Variants in PRTG observed in about 807,000 individuals in gnomAD.
The protein encoded by PRTG is protogenin, also known as immunoglobulin superfamily, DCC subclass, member 5.
In PRTG, 67 loss-of-function variants were observed where a neutral mutation model predicts 122.5. The ratio of observed to expected loss-of-function variants is 0.55; its 90% CI spans 0.45 to 0.67. The LOEUF (loss-of-function observed/expected upper bound fraction) is 0.67. PRTG is among the 30% of genes least tolerant of loss of function. The pLI, the probability that PRTG is intolerant of heterozygous loss-of-function variation, is 0.00. For missense variants in PRTG, 1,435 were observed against 1,415.4 expected (o/e 1.01, Z -0.22); for synonymous variants, 554 against 501.1 (o/e 1.11, Z -1.41).
intron 11 of PRTG, among the ~76,000 whole-genome samples, chr15:55,665,628 C>A (rs2059435600): frequency 6.6e-6 from 1 of 151,530 alleles, no homozygotes; most frequent in Admixed American, 6.6e-5. Flanking sequence ...TCACTGCAAC[C>A]TCTAGCTTCC....
intron 11 of PRTG, among the ~76,000 whole-genome samples, chr15:55,662,450 G>A (rs889882817): frequency 3.9e-5 from 6 of 152,142 alleles, no homozygotes; most frequent in African/African-American, 1.4e-4. Flanking sequence ...TAACTTGCTA[G>A]GAGGTTCCAT....
intron 2 of PRTG, among the ~76,000 whole-genome samples, chr15:55,726,022 C>G (rs777354669): frequency 5.9e-5 from 9 of 152,152 alleles, no homozygotes; most frequent in Non-Finnish European, 1.2e-4. Flanking sequence ...CGGCTCACTG[C>G]AACTTCCGCC....
chr15:55,643,140 T>C (rs946748567), intron 11 of PRTG, among the ~76,000 whole-genome samples: 2 of 152,130 alleles, frequency 1.3e-5, no homozygotes, highest in Non-Finnish European at 2.9e-5. Flanking sequence ...CAAAGTAGTA[T>C]GTTTGTATAA....
chr15:55,653,956 T>G (rs899760753), intron 11 of PRTG, among the ~76,000 whole-genome samples: 3 of 152,232 alleles, frequency 2.0e-5, no homozygotes, highest in Middle Eastern at 3.2e-3. Flanking sequence ...TTTTATTTTT[T>G]GACAAATGTA....
chr15:55,723,805 G>A (rs1192373511), intron 2 of PRTG, among the ~76,000 whole-genome samples: 2 of 142,004 alleles, frequency 1.4e-5, no homozygotes, highest in African/African-American at 5.2e-5. Flanking sequence ...AGGCTGGAGT[G>A]CAATGGTGCA....
At chr15:55,622,216 G>GTTTTTTTTTT (rs35973280) in intron 18 of PRTG, among the ~76,000 whole-genome samples, 1 of 113,412 alleles carries the variant, frequency 8.8e-6, no homozygotes, top group Non-Finnish European at 1.7e-5. Flanking sequence ...ATTAGTACTT[G>GTTTTTTTTTT]TTTTTTTTTT....
chr15:55,701,414 A>T (rs777085284), intron 2 of PRTG, among the ~76,000 whole-genome samples: 20 of 152,054 alleles, frequency 1.3e-4, no homozygotes, highest in Non-Finnish European at 2.6e-4. Flanking sequence ...GGCGACTGTA[A>T]TCCCAACTAC....
intron 2 of PRTG, among the ~76,000 whole-genome samples, chr15:55,734,600 T>TAA (rs1179187289): frequency 2.6e-5 from 4 of 151,212 alleles, no homozygotes; most frequent in Non-Finnish European, 4.4e-5. Context: ...TATATATATA[T>TAA]AACATATATA....
At chr15:55,677,216 G>T (rs1014706624) in intron 8 of PRTG, among the ~76,000 whole-genome samples, 1 of 152,046 alleles carries the variant, frequency 6.6e-6, no homozygotes, top group Non-Finnish European at 1.5e-5. Flanking sequence ...ACAAAAATTG[G>T]AAGACACATT....
At chr15:55,630,295 G>A (rs189221703) in intron 15 of PRTG, among the ~76,000 whole-genome samples, 20 of 151,756 alleles carry the variant, frequency 1.3e-4, no homozygotes, top group Non-Finnish European at 2.5e-4. Flanking sequence ...CAATTCTTTT[G>A]TATTTTTAAT....
chr15:55,628,694 C>A, intron 16 of PRTG, 128 bp downstream of exon 16: 1 of 701,786 alleles, frequency 1.4e-6, no homozygotes, highest in East Asian at 2.6e-5. Context: ...ATCAGAAGCT[C>A]ATCAGCAACA....
chr15:55,683,898 G>C lies in PRTG; in HGVS notation c.431C>G (p.Thr144Ser), dbSNP rs376381669. ...ISAFEVQPISTEVHEGGVARF... is the reference protein window; with the variant it reads ...ISAFEVQPISSEVHEGGVARF... Reference sequence around the variant, plus strand: ...AGCAACTCCACCTTCGTGGACCTCAGTGGAAATTGGCTGGACTTCAAATGC... The same window carrying C: ...AGCAACTCCACCTTCGTGGACCTCACTGGAAATTGGCTGGACTTCAAATGC... The change falls in exon 3 of 20, where the codon ACT (threonine) becomes AGT (serine). Residue 144 changes from threonine (T) to serine (S), a missense_variant. By Grantham distance (58) the Thr-to-Ser change is moderately conservative. Transcript: ENST00000389286. The C allele has an allele frequency of 3.1e-6, 5 of 1,613,750 alleles. No individual in the cohort carries two copies. The African/African-American group carries it at 5.3e-5, about 17-fold the overall frequency.
At chr15:55,656,759 C>G (rs1448047788) in intron 11 of PRTG, among the ~76,000 whole-genome samples, 1 of 152,222 alleles carries the variant, frequency 6.6e-6, no homozygotes, top group Non-Finnish European at 1.5e-5. Flanking sequence ...CTGCCCATCT[C>G]GGCTTCCCAA....
intron 5 of PRTG, 47 bp downstream of exon 5, chr15:55,680,444 C>G: frequency 6.7e-7 from 1 of 1,502,646 alleles, no homozygotes; most frequent in Non-Finnish European, 8.9e-7. Context: ...TTAGAATGAA[C>G]AAAATTTAAG....
At position 55,637,267 on chromosome 15, in the gene PRTG, G is replaced by C. The variant is rs1160519468; in HGVS notation, c.2526C>G (p.Pro842=). The part of the protein sequence containing the change: ...EDDTALVSWK[P]PDGPETVVTR... ...TCACAACTGTTTCTGGGCCATCAGG[G>C]GGTTTCCAAGAAACCAGGGCAGTGT... Residue 842 remains proline (P), a synonymous_variant, in exon 15 of 20, where the codon CCC becomes CCG. Coordinates refer to ENST00000389286, the MANE Select transcript of PRTG (RefSeq NM_173814.6). 6.2e-7 allele frequency: 1 copy of C among 1,613,892 alleles called. No homozygotes were observed. The highest frequency in any genetic ancestry group is 8.5e-7 in the Non-Finnish European group (1 of 1,179,924).
intron 11 of PRTG, among the ~76,000 whole-genome samples, chr15:55,669,978 A>T (rs2059459427): frequency 6.6e-6 from 1 of 152,256 alleles, no homozygotes; most frequent in Non-Finnish European, 1.5e-5. Context: ...AGTGGATTTT[A>T]CAACATAAAA....
chr15:55,710,325 A>T (rs182509752), intron 2 of PRTG, among the ~76,000 whole-genome samples: 226 of 152,310 alleles, frequency 1.5e-3, no homozygotes, highest in African/African-American at 5.1e-3. Flanking sequence ...AAATCTACTT[A>T]ATTACAGCAA....
intron 2 of PRTG, among the ~76,000 whole-genome samples, chr15:55,690,052 A>G: frequency 6.6e-6 from 1 of 152,232 alleles, no homozygotes; most frequent in Non-Finnish European, 1.5e-5. Flanking sequence ...CTCTGCTATT[A>G]AAGATATACA....
Position 55,628,867 on chromosome 15 carries a change from C to T in PRTG, c.2761G>A (p.Glu921Lys). Residue 921 changes from glutamate (E) to lysine (K), a missense_variant, in exon 16 of 20, where the codon GAA becomes AAA. Transcript: ENST00000389286. ...AAACGCTTGGGCCTCTGATTTGATT[C>T]AGAGGTTTCCTTTGGAAGTACTGCC... ...ELAVLPKETSESNQRPKRLDS... is the reference protein window; with the variant it reads ...ELAVLPKETSKSNQRPKRLDS... The T allele has an allele frequency of 6.2e-7, 1 of 1,614,036 alleles. No individual in the cohort carries two copies.
Sources: allele counts gnomAD v4.1 joint callset (sites outside exome capture counted in the v4.1 genomes callset), GRCh38; gene constraint gnomAD v4.1.1; transcripts MANE v1.5; gene names NCBI Gene and HGNC (gene_info 2026-07-23, HGNC 2026-07-21).